RIF1: variants seen among roughly 807,000 people sequenced by gnomAD.
The protein encoded by RIF1 is replication timing regulatory factor 1.
A neutral mutation model predicts 247.1 loss-of-function variants in RIF1; 45 were observed. The observed-to-expected ratio is 0.18, with a 90% CI of 0.14 to 0.23. The LOEUF is 0.23. Among genes scored for constraint, RIF1 ranks in the 10% least tolerant of loss-of-function variants. RIF1 has a pLI of 1.00. For missense variants in RIF1, 2,967 were observed against 2,862.5 expected (o/e 1.04, Z -0.83); for synonymous variants, 1,087 against 978.8 (o/e 1.11, Z -2.06).
chr2:151,438,349 G>C (rs2152350822), intron 13 of RIF1, among the ~76,000 whole-genome samples: 1 of 152,170 alleles, frequency 6.6e-6, no homozygotes. Context: ...GTAGTGGTGT[G>C]TACCTATAGT....
chr2:151,483,418 C>A (rs1381474852), downstream of RIF1: 1 of 151,954 alleles, frequency 6.6e-6, no homozygotes, highest in Non-Finnish European at 1.5e-5. Flanking sequence ...TAATGAGATT[C>A]AGTATAAGGA....
chr2:151,437,159 A>T, intron 12 of RIF1, 82 bp from the exon 13 acceptor site: 1 of 1,251,392 alleles, frequency 8.0e-7, no homozygotes, highest in Non-Finnish European at 1.1e-6. Flanking sequence ...CCTACTTAAT[A>T]GACATTTTAA....
At chr2:151,438,540 A>G (rs1691669355) in intron 13 of RIF1, 144 bp from the exon 14 acceptor site, 1 of 623,466 alleles carries the variant, frequency 1.6e-6, no homozygotes, top group Non-Finnish European at 2.9e-6. Flanking sequence ...TAAACTTACT[A>G]CAGGGTTGAG....
the RIF1 span, among the ~76,000 whole-genome samples, chr2:151,521,519 CAA>C: frequency 6.6e-6 from 1 of 152,078 alleles, no homozygotes; most frequent in African/African-American, 2.4e-5. Context: ...GAGATGTTCC[CAA>C]GAGTTGTGAA....
chr2:151,465,159 A>G lies in RIF1; in HGVS notation c.5639A>G (p.Lys1880Arg). The G allele has an allele frequency of 1.2e-6, 2 of 1,613,720 alleles. No homozygotes were observed. The highest frequency in any genetic ancestry group is 1.6e-4 in the Middle Eastern group (1 of 6,062). ...GTTTCACAGGAATCTTTGGAGACAA[A>G]AGAAGAAAAACCAGAAGAAACCCCA... ...KNVSQESLET[K>R]EEKPEETPKM... The change falls in exon 30 of 36, where the codon AAA becomes AGA. Residue 1880 changes from lysine to arginine, a missense_variant. Lys to Arg is a conservative substitution (Grantham distance 26, BLOSUM62 2). Transcript: ENST00000444746.
chr2:151,502,872 T>C lies in RIF1; in HGVS notation c.*710-162T>C. ...TGTTGGGATTCCTTTCCCCAAATTT[T>C]CTTTGTACAAAACCTGTGAGATACA... On this transcript the variant is annotated intron_variant and NMD_transcript_variant, in intron 11 of 13. Transcript: ENST00000454583. 2 of 1,599,232 alleles carry C rather than the reference T, an allele frequency of 1.3e-6. No homozygotes were observed. The highest frequency in any genetic ancestry group is 1.7e-6 in the Non-Finnish European group (2 of 1,170,510).
rs767679234 is a variant in RIF1, at chr2:151,463,039, A to G, written c.3519A>G (p.Arg1173=). 3 of 1,613,828 alleles carry G rather than the reference A, an allele frequency of 1.9e-6. No individual in the cohort carries two copies. The highest frequency in any genetic ancestry group is 1.3e-5 in the African/African-American group (1 of 75,032). The part of the protein sequence containing the change: ...PEMSNSNNDE[R]KKALISSRKT... ...TGTCAAACAGTAATAATGATGAAAGAAAAAAAGCTTTAATTTCATCAAGGA... is the reference window on the plus strand; with the variant it reads ...TGTCAAACAGTAATAATGATGAAAGGAAAAAAGCTTTAATTTCATCAAGGA... Residue 1173 remains arginine, a synonymous_variant, in exon 30 of 36, where the codon AGA becomes AGG. Coordinates refer to ENST00000444746, the MANE Select transcript of RIF1 (RefSeq NM_018151.5).
intron 14 of RIF1, 73 bp downstream of exon 14, chr2:151,438,819 G>T: frequency 1.1e-6 from 1 of 887,928 alleles, no homozygotes; most frequent in East Asian, 2.5e-5. Context: ...ATAGCATCCG[G>T]TGAATTGTTT....
At position 151,463,575 on chromosome 2, in the gene RIF1, A is replaced by G. The variant is rs779939598; in HGVS notation, c.4055A>G (p.His1352Arg). The change falls in exon 30 of 36, where the codon CAT becomes CGT. Residue 1352 changes from histidine to arginine, a missense_variant. His to Arg is a conservative substitution (Grantham distance 29). Transcript: ENST00000444746. Reference sequence around the variant, plus strand: ...CATCTTTCTGAATCTACAATGGAGCATGACAATACAAAGCTTAAAGCAGCA... The same window carrying G: ...CATCTTTCTGAATCTACAATGGAGCGTGACAATACAAAGCTTAAAGCAGCA... ...QVHLSESTMEHDNTKLKAATV... is the reference protein window; with the variant it reads ...QVHLSESTMERDNTKLKAATV... 3 of 1,613,944 alleles carry G rather than the reference A, an allele frequency of 1.9e-6. No homozygotes were observed. Among genetic ancestry groups the G allele is most frequent in the Admixed American group, 3.3e-5 (2 of 60,020 alleles).
At chr2:151,412,131 A>G (rs958278583) in intron 3 of RIF1, among the ~76,000 whole-genome samples, 1 of 152,190 alleles carries the variant, frequency 6.6e-6, no homozygotes, top group African/African-American at 2.4e-5. Context: ...TAGGGAAATG[A>G]TGTTTGACAT....
chr2:151,445,561 T>G (rs1693115314), intron 19 of RIF1, 116 bp downstream of exon 19: 1 of 678,626 alleles, frequency 1.5e-6, no homozygotes, highest in East Asian at 2.7e-5. Context: ...TTTCTCTTTT[T>G]TTTTTGAGAC....
intron 13 of RIF1, 80 bp from the exon 14 acceptor site, chr2:151,438,602 AGG>A: frequency 1.2e-6 from 1 of 847,780 alleles, no homozygotes; most frequent in South Asian, 1.4e-5. Flanking sequence ...GTTTAATGTA[AGG>A]AAGTAAAGGG....
At position 151,474,941 on chromosome 2, in the gene RIF1, CAGA is replaced by C; in HGVS notation, c.7293_7295del (p.Glu2431del). ...AGTGCTCTTGCTCTTCAGCTGGATT[CAGA>C]AGATCTTCATAATTATTCAGGAAGC... On this transcript the variant is annotated inframe_deletion, in exon 36 of 36. Transcript: ENST00000444746. 1 of 1,611,148 alleles carries C rather than the reference CAGA, an allele frequency of 6.2e-7. No homozygotes were observed. Among genetic ancestry groups the C allele is most frequent in the Non-Finnish European group, 8.5e-7 (1 of 1,177,566 alleles).
intron 12 of RIF1, chr2:151,506,142 C>T: frequency 6.4e-7 from 1 of 1,557,210 alleles, no homozygotes; most frequent in South Asian, 1.1e-5. Context: ...GAAAATATTG[C>T]AAGTGCATTC....
intron 22 of RIF1, among the ~76,000 whole-genome samples, chr2:151,456,192 C>G (rs1056660391): frequency 6.6e-6 from 1 of 152,164 alleles, no homozygotes; most frequent in Non-Finnish European, 1.5e-5. Flanking sequence ...GACAGTTTAT[C>G]TTTCATAAAT....
Position 151,440,107 on chromosome 2 carries a change from T to C in RIF1, c.1627T>C (p.Phe543Leu). ...GGAAAGCATAGTAAAGTCTGAAGTATTTCCTGTATCAAAAACGCTGGTAAG... is the reference window on the plus strand; with the variant it reads ...GGAAAGCATAGTAAAGTCTGAAGTACTTCCTGTATCAAAAACGCTGGTAAG... ...SLESIVKSEV[F>L]PVSKTLVLME... Residue 543 changes from phenylalanine (F) to leucine (L), a missense_variant, in exon 15 of 36, where the codon TTT (phenylalanine) becomes CTT (leucine). By Grantham distance (22) the Phe-to-Leu change is conservative. Coordinates refer to ENST00000444746, the MANE Select transcript of RIF1 (RefSeq NM_018151.5). The C allele has an allele frequency of 2.5e-6, 4 of 1,582,488 alleles. No individual in the cohort carries two copies. Among genetic ancestry groups the C allele is most frequent in the Non-Finnish European group, 3.5e-6 (4 of 1,158,596 alleles).
At chr2:151,527,083 T>C in the RIF1 span, 3 of 1,149,280 alleles carry the variant, frequency 2.6e-6, no homozygotes, top group Non-Finnish European at 3.8e-6. Flanking sequence ...AAGCTGGGCA[T>C]TTGATTAAAC....
chr2:151,457,844 C>T lies in RIF1; in HGVS notation c.2736C>T (p.Leu912=), dbSNP rs562460116. The stretch of plus-strand genomic sequence containing the variant: ...ATGATAGTGAACTTCTTGAACAACT[C>T]TCCCCACTATTATGCATAATATTTC... ...GTYDSELLEQ[L]SPLLCIIFLH... is the part of the protein sequence containing the mutation. The change falls in exon 24 of 36, where the codon CTC becomes CTT. Residue 912 remains leucine (L), a synonymous_variant. Transcript: ENST00000444746. 41 of 1,613,592 alleles carry T rather than the reference C, an allele frequency of 2.5e-5. No individual in the cohort carries two copies. The South Asian group carries it at 3.1e-4, about 12-fold the overall frequency.
chr2:151,516,549 T>C, the RIF1 span: 1 of 1,607,638 alleles, frequency 6.2e-7, no homozygotes, highest in Admixed American at 1.7e-5. Context: ...TTTCATACTT[T>C]TCTTTGTATT....
Sources: gnomAD v4.1 joint callset for allele counts (sites outside exome capture counted in the v4.1 genomes callset) on GRCh38, gnomAD v4.1.1 for gene constraint, MANE v1.5 for transcripts, NCBI Gene and HGNC (gene_info 2026-07-23, HGNC 2026-07-21) for gene names.